The following TDRD12 variants were observed in gnomAD, a reference collection of about 807,000 sequenced individuals.
TDRD12 encodes the protein putative ATP-dependent RNA helicase TDRD12.
TDRD12 carries 158 observed loss-of-function variants against 133.5 expected under a neutral mutation model. The observed-to-expected ratio is 1.18, with a 90% CI of 1.04 to 1.35. The LOEUF is 1.35. Ranked by LOEUF, TDRD12 falls within the 40% of genes most tolerant of loss-of-function variation. The probability of loss-of-function intolerance (pLI) is 0.00; values close to 1 mark genes in which losing one functional copy is unlikely to be tolerated. For synonymous variants in TDRD12, 460 were observed against 477.9 expected (o/e 0.96, Z 0.49); for missense variants, 1,443 against 1,321.3 (o/e 1.09, Z -1.43).
intron 8 of TDRD12, among the ~76,000 whole-genome samples, chr19:32,770,939 A>C (rs1382561085): frequency 6.6e-6 from 1 of 152,180 alleles, no homozygotes; most frequent in African/African-American, 2.4e-5. Flanking sequence ...TAGTTCTTTA[A>C]GTAGGGAGGT....
Position 32,773,502 on chromosome 19 carries a change from T to C in TDRD12, c.1010T>C (p.Ile337Thr), listed in dbSNP as rs1302158250. The C allele has an allele frequency of 3.9e-6, 6 of 1,551,812 alleles. No individual in the cohort carries two copies. The Middle Eastern group carries it at 5.0e-4, about 129-fold the overall frequency. The change falls in exon 10 of 28, where the codon ATA (isoleucine) becomes ACA (threonine). Residue 337 changes from isoleucine to threonine, a missense_variant. Ile to Thr is a moderately conservative substitution (Grantham distance 89, BLOSUM62 -1). Coordinates refer to ENST00000444215, the Ensembl canonical transcript of TDRD12. ...TGGCCAGCAAAAAGAGGCATAACCA[T>C]ATATGCTGATCCAGATGTACCAGAA...
At chr19:32,720,137 TC>T in intron 1 of TDRD12, 41 bp downstream of exon 1, 1 of 1,520,056 alleles carries the variant, frequency 6.6e-7, no homozygotes. Flanking sequence ...ACCCACGCAG[TC>T]CCCCACCCCC....
intron 11 of TDRD12, among the ~76,000 whole-genome samples, chr19:32,778,090 A>G (rs1440625871): frequency 6.6e-6 from 1 of 151,690 alleles, no homozygotes; most frequent in Non-Finnish European, 1.5e-5. Context: ...TGGAGCTCCC[A>G]GAGTGACAAA....
At chr19:32,813,348 C>T (rs1967068814) in intron 24 of TDRD12, among the ~76,000 whole-genome samples, 1 of 152,148 alleles carries the variant, frequency 6.6e-6, no homozygotes, top group Admixed American at 6.5e-5. Flanking sequence ...AATAGGCATC[C>T]GTGCTTTAAA....
At chr19:32,754,408 C>T (rs1969928007) in intron 6 of TDRD12, among the ~76,000 whole-genome samples, 1 of 152,060 alleles carries the variant, frequency 6.6e-6, no homozygotes. Context: ...GGCAGAGAGC[C>T]AAGATCACAC....
At chr19:32,815,616 A>G (rs767940615) in exon 26 of TDRD12, 8 of 1,530,524 alleles carry the variant, frequency 5.2e-6, no homozygotes, top group South Asian at 3.6e-5. Context: ...CCTAAGCCAG[A>G]CCCCGTAAGT....
chr19:32,792,652 T>C (rs1439626505), intron 13 of TDRD12, among the ~76,000 whole-genome samples: 1 of 152,128 alleles, frequency 6.6e-6, no homozygotes, highest in African/African-American at 2.4e-5. Context: ...TGATAGGACA[T>C]TTTCTGAAGA....
chr19:32,756,870 A>G (rs144467253), intron 7 of TDRD12, among the ~76,000 whole-genome samples, 168 bp from the exon 8 acceptor site: 179 of 152,306 alleles, frequency 1.2e-3, no homozygotes, highest in Non-Finnish European at 2.0e-3. Context: ...ATAATTTCCA[A>G]TGTTTCTGTC....
At chr19:32,790,649 A>C in intron 12 of TDRD12, 58 bp downstream of exon 12, 1 of 1,551,608 alleles carries the variant, frequency 6.4e-7, no homozygotes, top group South Asian at 1.2e-5. Flanking sequence ...TTTATTCTTT[A>C]AATCCTTCTC....
chr19:32,778,343 C>T (rs1170656191), intron 11 of TDRD12, among the ~76,000 whole-genome samples: 1 of 152,144 alleles, frequency 6.6e-6, no homozygotes, highest in African/African-American at 2.4e-5. Flanking sequence ...TGACACCCCC[C>T]TCCCAGGGCA....
At chr19:32,790,883 C>G in intron 12 of TDRD12, 81 bp from the exon 13 acceptor site, 5 of 1,477,266 alleles carry the variant, frequency 3.4e-6, no homozygotes, top group Non-Finnish European at 3.6e-6. Flanking sequence ...TCTATATTTT[C>G]TTCATTTCTG....
At chr19:32,722,887 C>T (rs1168435932) in intron 1 of TDRD12, among the ~76,000 whole-genome samples, 1 of 152,014 alleles carries the variant, frequency 6.6e-6, no homozygotes, top group Non-Finnish European at 1.5e-5. Context: ...AGCATCTTGT[C>T]CAGGCTGGTC....
intron 21 of TDRD12, among the ~76,000 whole-genome samples, chr19:32,804,261 A>G (rs1417805489): frequency 6.6e-6 from 1 of 151,444 alleles, no homozygotes; most frequent in African/African-American, 2.4e-5. Flanking sequence ...TTTAGTAGAT[A>G]TGGGGTTTCA....
At chr19:32,788,629 C>T (rs572795120) in intron 11 of TDRD12, among the ~76,000 whole-genome samples, 1 of 152,186 alleles carries the variant, frequency 6.6e-6, no homozygotes, top group South Asian at 2.1e-4. Flanking sequence ...TTTCTTCTCC[C>T]TACACTGTTT....
chr19:32,820,863 G>A (rs1212283505), intron 27 of TDRD12, 170 bp from the exon 28 acceptor site: 19 of 587,846 alleles, frequency 3.2e-5, no homozygotes, highest in Admixed American at 1.8e-4. Context: ...CATCCTTGTC[G>A]GAAGGAACAG....
intron 10 of TDRD12, 25 bp from the exon 11 acceptor site, chr19:32,777,124 A>G: frequency 4.8e-6 from 7 of 1,471,232 alleles, no homozygotes; most frequent in Non-Finnish European, 6.4e-6. Flanking sequence ...ACAAATTTTA[A>G]TGAATTTTTT....
At chr19:32,769,997 C>CTTT (rs10644275) in intron 8 of TDRD12, among the ~76,000 whole-genome samples, 12 of 144,306 alleles carry the variant, frequency 8.3e-5, no homozygotes, top group African/African-American at 2.3e-4. Context: ...GGTATGTGTT[C>CTTT]TTTTTTTTTT....
At chr19:32,783,698 T>C (rs1025181871) in intron 11 of TDRD12, among the ~76,000 whole-genome samples, 4 of 152,212 alleles carry the variant, frequency 2.6e-5, no homozygotes, top group Non-Finnish European at 5.9e-5. Context: ...TAAGTTGTAT[T>C]CCTAGGTATT....
In TDRD12 at chr19:32,722,679, A is replaced by T. The variant is rs113096233; in HGVS notation, c.24+2583A>T. Among the ~76,000 whole-genome samples, 289 of 102,122 alleles carry T rather than the reference A, an allele frequency of 2.8e-3. 3 individuals carry two copies. Among genetic ancestry groups the T allele is most frequent in the Admixed American group, 5.3e-3 (50 of 9,504 alleles). 67.0% of individuals were successfully genotyped at this position (102,122 alleles called of 152,430 possible). A position where few individuals can be genotyped will look rare whatever the true frequency, so the allele number is the denominator to read the frequency against. ...TGTATCCTTTTATTATTTAAAAAAA[A>T]TTTTTTTTTTTTTTTTTTGAGACGG... On this transcript the variant is annotated intron_variant, in intron 1 of 27. Coordinates refer to ENST00000444215, the Ensembl canonical transcript of TDRD12.
Sources: allele counts gnomAD v4.1 joint callset (sites outside exome capture counted in the v4.1 genomes callset), GRCh38; gene constraint gnomAD v4.1.1; transcripts MANE v1.5; gene names NCBI Gene and HGNC (gene_info 2026-07-23, HGNC 2026-07-21).